The following CNTLN variants were observed in gnomAD, a reference collection of about 807,000 sequenced individuals.
CNTLN encodes centlein, centrosomal protein.
In CNTLN, 212 loss-of-function variants were observed where a neutral mutation model predicts 180.0. The ratio of observed to expected loss-of-function variants is 1.18; its 90% CI spans 1.05 to 1.32. The LOEUF (loss-of-function observed/expected upper bound fraction) is 1.32, where lower values mean the gene tolerates loss of function less well. CNTLN is among the 40% of genes most tolerant of loss of function. The pLI is 0.00. For missense variants in CNTLN, 2,095 were observed against 1,610.9 expected, an observed-to-expected ratio of 1.30 and a Z score of -5.14; for synonymous variants, 722 against 563.1, an observed-to-expected ratio of 1.28 and a Z score of -3.99.
chr9:17,489,716 C>A (rs1346761112), intron 25 of CNTLN, among the ~76,000 whole-genome samples: 1 of 151,970 alleles, frequency 6.6e-6, no homozygotes. Context: ...TGCATGAGAA[C>A]TAAAAGGTCT....
chr9:17,284,799 T>C (rs1235064388), intron 6 of CNTLN, among the ~76,000 whole-genome samples: 1 of 152,042 alleles, frequency 6.6e-6, no homozygotes, highest in Non-Finnish European at 1.5e-5. Context: ...CTTCTGCTAG[T>C]GTTGTGGTTT....
intron 2 of CNTLN, chr9:17,166,839 C>T: frequency 2.3e-6 from 1 of 441,290 alleles, no homozygotes. Flanking sequence ...AAGATGTGTA[C>T]CACCAAAACG....
At position 17,473,471 on chromosome 9, in the gene CNTLN, A is replaced by C. The variant is rs1832144460; in HGVS notation, c.3855+6580A>C. ...CTAGAGCTAATACCTCACTTTGCAC[A>C]CTGGATTTTATCTCCTCATATTCGC... is the stretch of plus-strand genomic sequence containing the variant. On this transcript the variant is annotated intron_variant, in intron 23 of 25. Transcript: ENST00000380647. Among the ~76,000 whole-genome samples the C allele has an allele frequency of 2.6e-5, 4 of 151,780 alleles. No individual in the cohort carries two copies. The South Asian group carries it at 8.3e-4, about 32-fold the overall frequency.
chr9:17,420,151 A>G (rs113962278), intron 18 of CNTLN, among the ~76,000 whole-genome samples: 4,531 of 152,164 alleles, frequency 0.03, 222 homozygotes, highest in African/African-American at 0.1. Context: ...CTAACCTCAC[A>G]TGATCCACCC....
the CNTLN span, among the ~76,000 whole-genome samples, chr9:17,519,607 A>G: frequency 1.3e-5 from 2 of 152,180 alleles, no homozygotes; most frequent in African/African-American, 4.8e-5. Flanking sequence ...GAGGGCTCAA[A>G]GCTTTTTTTA....
rs1406870756 is a variant in CNTLN, at chr9:17,464,626, A to G, written c.3531+3A>G. The stretch of plus-strand genomic sequence containing the variant: ...TGTTACAAAATCTTGATAAAAAGGT[A>G]TCAATTTTTATCTTTACTGACACTA... On this transcript the variant is annotated splice_donor_region_variant and intron_variant, in intron 21 of 25. Coordinates refer to ENST00000380647, the MANE Select transcript of CNTLN (RefSeq NM_017738.4). 6 of 1,427,762 alleles carry G rather than the reference A, an allele frequency of 4.2e-6. No individual in the cohort carries two copies. The African/African-American group carries it at 7.5e-5, about 18-fold the overall frequency. 88.4% of individuals were successfully genotyped at this position (1,427,762 alleles called of 1,614,324 possible). A position where few individuals can be genotyped will look rare whatever the true frequency, so the allele number is the denominator to read the frequency against.
intron 6 of CNTLN, among the ~76,000 whole-genome samples, chr9:17,296,273 C>T (rs1177787141): frequency 6.6e-6 from 1 of 152,020 alleles, no homozygotes; most frequent in Non-Finnish European, 1.5e-5. Context: ...CCTGCCTCGG[C>T]CTCCAAAGTG....
intron 6 of CNTLN, among the ~76,000 whole-genome samples, chr9:17,287,327 T>C (rs1587499005): frequency 1.3e-5 from 2 of 148,380 alleles, no homozygotes; most frequent in East Asian, 4.0e-4. Flanking sequence ...TTGCGTATAT[T>C]GAACCAGCCT....
chr9:17,310,373 A>C (rs902264445), intron 8 of CNTLN, among the ~76,000 whole-genome samples: 14 of 152,134 alleles, frequency 9.2e-5, no homozygotes, highest in Non-Finnish European at 2.1e-4. Flanking sequence ...TCATTATGTT[A>C]CTAAGATTTA....
intron 6 of CNTLN, among the ~76,000 whole-genome samples, chr9:17,295,958 C>T (rs181167210): frequency 6.6e-6 from 1 of 150,588 alleles, no homozygotes; most frequent in Non-Finnish European, 1.5e-5. Flanking sequence ...GAGCATCTCC[C>T]TACTCTTCAG....
intron 8 of CNTLN, among the ~76,000 whole-genome samples, chr9:17,325,941 C>G (rs1028819185): frequency 6.6e-6 from 1 of 151,964 alleles, no homozygotes; most frequent in Non-Finnish European, 1.5e-5. Context: ...AGTCGGCCCC[C>G]ACTGTAATAA....
At chr9:17,383,268 A>G (rs1825403129) in intron 13 of CNTLN, among the ~76,000 whole-genome samples, 1 of 152,032 alleles carries the variant, frequency 6.6e-6, no homozygotes, top group African/African-American at 2.4e-5. Context: ...TGTGGCTCAC[A>G]CTGTAATCCC....
chr9:17,319,181 A>G (rs1326436625), intron 8 of CNTLN, among the ~76,000 whole-genome samples: 2 of 152,230 alleles, frequency 1.3e-5, no homozygotes, highest in East Asian at 1.9e-4. Context: ...GCGCACTGGC[A>G]TAGGCCCAGA....
chr9:17,340,939 G>T lies in CNTLN; in HGVS notation c.1757G>T (p.Gly586Val). The T allele has an allele frequency of 1.2e-6, 2 of 1,608,944 alleles. No individual in the cohort carries two copies. The highest frequency in any genetic ancestry group is 1.7e-6 in the Non-Finnish European group (2 of 1,177,524). ...VKEQLKQWEE[G>V]SGMTEIRKIK... ...GAGCAATTAAAACAGTGGGAAGAAGGCAGTGGCATGTGAGTTACATAGCTC... is the reference window on the plus strand; with the variant it reads ...GAGCAATTAAAACAGTGGGAAGAAGTCAGTGGCATGTGAGTTACATAGCTC... The change falls in exon 11 of 26, where the codon GGC (glycine) becomes GTC (valine). Residue 586 changes from glycine to valine, a missense_variant. Gly to Val is a moderately radical substitution (Grantham distance 109). Transcript: ENST00000380647.
intron 3 of CNTLN, among the ~76,000 whole-genome samples, chr9:17,233,500 G>A (rs1330961291): frequency 6.6e-6 from 1 of 151,892 alleles, no homozygotes; most frequent in Non-Finnish European, 1.5e-5. Context: ...TAACTAAATC[G>A]ATTTAATGAC....
intron 24 of CNTLN, among the ~76,000 whole-genome samples, chr9:17,486,155 C>G (rs1269280420): frequency 1.3e-5 from 2 of 152,098 alleles, no homozygotes; most frequent in African/African-American, 4.8e-5. Context: ...TGTCATCTTC[C>G]AGAGGTCCAA....
chr9:17,274,501 C>G (rs10962991), intron 6 of CNTLN, among the ~76,000 whole-genome samples: 3 of 105,162 alleles, frequency 2.9e-5, no homozygotes, highest in African/African-American at 1.1e-4. Flanking sequence ...ATCTATCTAT[C>G]TATGTATCTT....
chr9:17,177,502 G>A (rs1820795306), intron 2 of CNTLN, among the ~76,000 whole-genome samples: 1 of 152,206 alleles, frequency 6.6e-6, no homozygotes, highest in African/African-American at 2.4e-5. Flanking sequence ...AGAAGCTGCG[G>A]ACCCTTGTGG....
chr9:17,180,602 G>A (rs1306086813), intron 2 of CNTLN, among the ~76,000 whole-genome samples: 8 of 151,880 alleles, frequency 5.3e-5, no homozygotes, highest in Admixed American at 5.2e-4. Context: ...AAAGTCTGTT[G>A]TATTTATGCA....
Sources: allele counts gnomAD v4.1 joint callset (sites outside exome capture counted in the v4.1 genomes callset), GRCh38; gene constraint gnomAD v4.1.1; transcripts MANE v1.5; gene names NCBI Gene and HGNC (gene_info 2026-07-23, HGNC 2026-07-21).